Variants in BBS9 observed in about 807,000 individuals in gnomAD.
BBS9 encodes the protein protein PTHB1.
A neutral mutation model predicts 117.7 loss-of-function variants in BBS9; 89 were observed. The observed-to-expected ratio is 0.76, with a 90% CI of 0.64 to 0.90. The LOEUF is 0.90. Among genes scored for constraint, BBS9 ranks in the 40% least tolerant of loss-of-function variants. The pLI, the probability that BBS9 is intolerant of heterozygous loss-of-function variation, is 0.00. For missense variants in BBS9, 982 were observed against 1,042.2 expected (o/e 0.94, Z 0.80); for synonymous variants, 379 against 370.9 (o/e 1.02, Z -0.25).
chr7:33,586,379 T>TAA lies in BBS9; in HGVS notation c.2522-18478_2522-18477dup, dbSNP rs35147816. ...AGTCAGAATGGCTACTGTTAAGAAGTAAAAAAAAATAAATAACAGATCTGG... is the reference window on the plus strand; with the variant it reads ...AGTCAGAATGGCTACTGTTAAGAAGTAAAAAAAAAAATAAATAACAGATCTGG... On this transcript the variant is annotated intron_variant, in intron 21 of 22. Coordinates refer to ENST00000242067, the MANE Select transcript of BBS9 (RefSeq NM_198428.3). Among the ~76,000 whole-genome samples, 20 of 149,720 alleles carry TAA rather than the reference T, an allele frequency of 1.3e-4. No homozygotes were observed. The South Asian group carries it at 2.4e-3, about 18-fold the overall frequency.
At chr7:33,623,473 G>A (rs1865505032) in intron 21 of BBS9, among the ~76,000 whole-genome samples, 1 of 152,110 alleles carries the variant, frequency 6.6e-6, no homozygotes, top group South Asian at 2.1e-4. Context: ...TTTGGCATTT[G>A]TTAGTAAAGT....
chr7:33,624,890 G>C (rs1010013736), intron 21 of BBS9, among the ~76,000 whole-genome samples: 5 of 152,118 alleles, frequency 3.3e-5, no homozygotes, highest in Admixed American at 2.0e-4. Context: ...CATCTGGTCT[G>C]GTACAGGTTA....
intron 19 of BBS9, among the ~76,000 whole-genome samples, chr7:33,404,242 T>C (rs954921659): frequency 1.5e-4 from 23 of 152,146 alleles, no homozygotes; most frequent in African/African-American, 5.6e-4. Context: ...TTTTGGTTAC[T>C]GTAGCCTTGT....
chr7:33,152,778 C>A lies in BBS9; in HGVS notation c.190C>A (p.Gln64Lys). The part of the protein sequence containing the change: ...PHPAKTGDGA[Q>K]AEDLLLEVDL... ...TCCTGCAAAAACAGGAGATGGAGCT[C>A]AAGCCGAAGATTTGCTTCTAGAAGT... Residue 64 changes from glutamine to lysine, a missense_variant, in exon 3 of 23, where the codon CAA (glutamine) becomes AAA (lysine). Physicochemically the swap from Gln to Lys is moderately conservative, Grantham distance 53. Coordinates refer to ENST00000242067, the MANE Select transcript of BBS9 (RefSeq NM_198428.3). 1.2e-6 allele frequency: 2 copies of A among 1,613,608 alleles called. No individual in the cohort carries two copies. The highest frequency in any genetic ancestry group is 1.7e-6 in the Non-Finnish European group (2 of 1,179,898).
chr7:33,413,343 C>A (rs1831457177), intron 19 of BBS9, among the ~76,000 whole-genome samples: 1 of 152,072 alleles, frequency 6.6e-6, no homozygotes, highest in Admixed American at 6.5e-5. Context: ...TTTCTTTTGA[C>A]TATTCTTTTT....
At chr7:33,211,341 T>C (rs1787975344) in intron 5 of BBS9, among the ~76,000 whole-genome samples, 1 of 152,206 alleles carries the variant, frequency 6.6e-6, no homozygotes, top group Non-Finnish European at 1.5e-5. Context: ...TGTTTTTGAT[T>C]TGAAGTTCCT....
intron 9 of BBS9, among the ~76,000 whole-genome samples, chr7:33,294,031 C>T (rs1804647174): frequency 6.6e-6 from 1 of 152,026 alleles, no homozygotes; most frequent in African/African-American, 2.4e-5. Context: ...CTCAGAAGAG[C>T]CTAGGAAGAA....
At chr7:33,620,172 A>G (rs2598379) in intron 21 of BBS9, among the ~76,000 whole-genome samples, 62,119 of 151,824 alleles carry the variant, frequency 0.41, 17,968 homozygotes, top group African/African-American at 0.82. Flanking sequence ...CACAGAAATC[A>G]AAAAGATCTT....
intron 21 of BBS9, among the ~76,000 whole-genome samples, chr7:33,564,799 G>T (rs1024420835): frequency 2.0e-5 from 3 of 152,182 alleles, no homozygotes; most frequent in African/African-American, 7.2e-5. Context: ...ATTGAAAGCA[G>T]ATCCAGCCTG....
chr7:33,145,881 G>T (rs898091997), intron 1 of BBS9, among the ~76,000 whole-genome samples: 1 of 152,182 alleles, frequency 6.6e-6, no homozygotes, highest in African/African-American at 2.4e-5. Context: ...AGACTGAAAG[G>T]AAGTTAGGTA....
intron 4 of BBS9, among the ~76,000 whole-genome samples, chr7:33,167,554 C>T (rs900415735): frequency 6.6e-6 from 1 of 152,152 alleles, no homozygotes; most frequent in South Asian, 2.1e-4. Flanking sequence ...AGGTGCCCAC[C>T]ACCATGTCCA....
chr7:33,585,717 C>G (rs547889204), intron 21 of BBS9, among the ~76,000 whole-genome samples: 1 of 151,950 alleles, frequency 6.6e-6, no homozygotes, highest in Non-Finnish European at 1.5e-5. Context: ...AAATTGCATC[C>G]GGTTCATCAC....
chr7:33,181,624 GA>G (rs1798110970), intron 5 of BBS9, among the ~76,000 whole-genome samples: 1 of 152,116 alleles, frequency 6.6e-6, no homozygotes, highest in African/African-American at 2.4e-5. Context: ...AGTGCTCTAA[GA>G]AAAGCCTGTT....
chr7:33,307,178 A>T (rs1419968677), intron 9 of BBS9, among the ~76,000 whole-genome samples: 2 of 152,198 alleles, frequency 1.3e-5, no homozygotes, highest in African/African-American at 2.4e-5. Context: ...ATACAGTAAC[A>T]AAAATAAGAT....
chr7:33,484,358 T>C (rs762400335), intron 19 of BBS9, among the ~76,000 whole-genome samples: 5 of 152,228 alleles, frequency 3.3e-5, no homozygotes, highest in Non-Finnish European at 5.9e-5. Context: ...ATGTAGAATA[T>C]GACCTCTCTA....
intron 14 of BBS9, 43 bp from the exon 15 acceptor site, chr7:33,352,816 T>C (rs1295686382): frequency 1.2e-6 from 2 of 1,605,184 alleles, no homozygotes. Flanking sequence ...ATTTGTTGCC[T>C]TCTTTTCCCC....
At chr7:33,555,788 C>T (rs973006018) in intron 21 of BBS9, among the ~76,000 whole-genome samples, 7 of 152,146 alleles carry the variant, frequency 4.6e-5, no homozygotes, top group African/African-American at 1.7e-4. Context: ...AATTTGAGAG[C>T]TTTCTCATGT....
intron 21 of BBS9, among the ~76,000 whole-genome samples, chr7:33,586,444 G>A (rs1320077601): frequency 2.6e-5 from 4 of 152,024 alleles, no homozygotes; most frequent in African/African-American, 4.8e-5. Flanking sequence ...TATACTGTAG[G>A]TAGGAATGTG....
chr7:33,548,832 G>A (rs1213176485), intron 21 of BBS9, among the ~76,000 whole-genome samples: 5 of 149,388 alleles, frequency 3.3e-5, no homozygotes, highest in Admixed American at 1.3e-4. Flanking sequence ...AATCAATATC[G>A]TGAAAATGGC....
Sources: allele counts gnomAD v4.1 joint callset (sites outside exome capture counted in the v4.1 genomes callset), GRCh38; gene constraint gnomAD v4.1.1; transcripts MANE v1.5; gene names NCBI Gene and HGNC (gene_info 2026-07-23, HGNC 2026-07-21).